Variants in QPRT observed in about 807,000 individuals in gnomAD.
QPRT encodes nicotinate-nucleotide pyrophosphorylase [carboxylating].
Under a neutral mutation model 19.8 loss-of-function variants are expected in QPRT, and 17 were observed. The ratio of observed to expected loss-of-function variants is 0.86; its 90% CI spans 0.59 to 1.29. The LOEUF (loss-of-function observed/expected upper bound fraction) is 1.29, where lower values mean the gene tolerates loss of function less well. Ranked by LOEUF, QPRT falls within the 50% of genes most tolerant of loss-of-function variation. The pLI is 0.00. For synonymous variants in QPRT, 178 were observed against 191.0 expected (o/e 0.93, Z 0.56); for missense variants, 336 against 405.1 (o/e 0.83, Z 1.46).
intron 1 of QPRT, among the ~76,000 whole-genome samples, chr16:29,681,798 C>T (rs1349642755): frequency 6.6e-6 from 1 of 151,344 alleles, no homozygotes; most frequent in African/African-American, 2.4e-5. Context: ...TCTCGGCTCA[C>T]TGCAACCTTC....
At chr16:29,689,816 G>A (rs1055304815) in intron 1 of QPRT, among the ~76,000 whole-genome samples, 19 of 152,056 alleles carry the variant, frequency 1.2e-4, no homozygotes, top group African/African-American at 4.6e-4. Flanking sequence ...CCCCTGTCAC[G>A]TACCCCCTGG....
At position 29,697,062 on chromosome 16, in the gene QPRT, C is replaced by T. The variant is rs1419613432; in HGVS notation, c.616C>T (p.Gln206Ter). Residue 206 changes from glutamine (Q) to a stop codon, truncating the protein, a stop_gained, in exon 3 of 4, where the codon CAG (glutamine) becomes TAG (stop). Coordinates refer to ENST00000395384, the MANE Select transcript of QPRT (RefSeq NM_014298.6). LOFTEE classifies it high-confidence loss of function. This position sits in a 1 kb window ranked among gnomAD's most constrained non-coding sequence, Gnocchi z 4.4. ...GGTGGAAGTGGAATGCAGCAGCCTG[C>T]AGGAGGCCGTGCAGGCAGCTGAGGC... is the stretch of plus-strand genomic sequence containing the variant. ...LKVEVECSSL[Q>*]EAVQAAEAGA... 6.2e-7 allele frequency: 1 copy of T among 1,611,782 alleles called. No individual in the cohort carries two copies. Among genetic ancestry groups the T allele is most frequent in the Admixed American group, 1.7e-5 (1 of 59,850 alleles).
chr16:29,680,916 G>A (rs1966981482), intron 1 of QPRT, among the ~76,000 whole-genome samples: 1 of 152,116 alleles, frequency 6.6e-6, no homozygotes, highest in African/African-American at 2.4e-5. Flanking sequence ...ACTCCAGCCT[G>A]GGCGACAGAG....
intron 1 of QPRT, among the ~76,000 whole-genome samples, chr16:29,693,621 C>G (rs1320148679): frequency 6.6e-6 from 1 of 151,830 alleles, no homozygotes; most frequent in Admixed American, 6.6e-5. Flanking sequence ...GAGTCTTGCT[C>G]TGTCACCCAG....
chr16:29,695,440 T>A (rs1967501456), intron 2 of QPRT, among the ~76,000 whole-genome samples: 1 of 151,364 alleles, frequency 6.6e-6, no homozygotes, highest in Non-Finnish European at 1.5e-5. Context: ...GTCTCTCCAG[T>A]AGCTGGATAT....
At chr16:29,690,043 A>G (rs75886098) in intron 1 of QPRT, among the ~76,000 whole-genome samples, 2,886 of 152,178 alleles carry the variant, frequency 0.019, 99 homozygotes, top group African/African-American at 0.066. Context: ...CCGCCCTCCA[A>G]TAGGCTCCAG....
rs767028115 is a variant in QPRT, at chr16:29,695,061, G to C, written c.411G>C (p.Thr137=). Residue 137 remains threonine, a synonymous_variant, in exon 2 of 4, where the codon ACG becomes ACC. Coordinates refer to ENST00000395384, the MANE Select transcript of QPRT (RefSeq NM_014298.6). Reference sequence around the variant, plus strand: ...GCTGGACTGGGCACGTGGCAGGCACGAGGAAGACCACGCCAGGCTTCCGGC... The same window carrying C: ...GCTGGACTGGGCACGTGGCAGGCACCAGGAAGACCACGCCAGGCTTCCGGC... ...GAGWTGHVAG[T]RKTTPGFRLV... 3.7e-6 allele frequency: 6 copies of C among 1,606,136 alleles called. No individual in the cohort carries two copies. Among genetic ancestry groups the C allele is most frequent in the South Asian group, 1.1e-5 (1 of 90,870 alleles).
intron 1 of QPRT, among the ~76,000 whole-genome samples, chr16:29,687,647 TGAGGCAGGAGAACTCAGGAGGCA>T (rs1469456342): frequency 6.6e-6 from 1 of 152,166 alleles, no homozygotes; most frequent in Non-Finnish European, 1.5e-5. Context: ...CTCAGGAGGC[TGAGGCAGGAGAACTCAGGAGGCA>T]GAGGCTGCAG....
intron 1 of QPRT, among the ~76,000 whole-genome samples, chr16:29,683,860 C>T (rs1052182488): frequency 6.6e-6 from 1 of 152,186 alleles, no homozygotes; most frequent in African/African-American, 2.4e-5. Context: ...GTCCACTTCT[C>T]TTGAAAGGAG....
intron 1 of QPRT, among the ~76,000 whole-genome samples, chr16:29,686,117 C>T (rs1343941779): frequency 1.3e-5 from 2 of 152,148 alleles, no homozygotes; most frequent in African/African-American, 4.8e-5. Context: ...ACCTCGGCCT[C>T]CCAAAGTGCT....
At chr16:29,680,803 T>C in intron 1 of QPRT, among the ~76,000 whole-genome samples, 1 of 151,994 alleles carries the variant, frequency 6.6e-6, no homozygotes, top group East Asian at 1.9e-4. Context: ...TAGCCGAGTG[T>C]GGTGGTGCGC....
chr16:29,697,396 G>T lies in QPRT; in HGVS notation c.879G>T (p.Val293=), dbSNP rs1237133208. 5.0e-6 allele frequency: 8 copies of T among 1,612,500 alleles called. No homozygotes were observed. The highest frequency in any genetic ancestry group is 6.8e-6 in the Non-Finnish European group (8 of 1,179,806). ...LKLFAKEVAP[V]PKIH ...TGTTTGCCAAAGAGGTGGCTCCAGT[G>T]CCCAAAATCCACTAGTCCTAAACCG... is the stretch of plus-strand genomic sequence containing the variant. Residue 293 remains valine, a synonymous_variant, in exon 4 of 4, where the codon GTG becomes GTT. Transcript: ENST00000395384. This position sits in a 1 kb window ranked among gnomAD's most constrained non-coding sequence, Gnocchi z 4.4.
chr16:29,697,065 G>A lies in QPRT; in HGVS notation c.619G>A (p.Glu207Lys). The stretch of plus-strand genomic sequence containing the variant: ...GGAAGTGGAATGCAGCAGCCTGCAG[G>A]AGGCCGTGCAGGCAGCTGAGGCTGG... The part of the protein sequence containing the change: ...KVEVECSSLQ[E>K]AVQAAEAGAD... The change falls in exon 3 of 4, where the codon GAG becomes AAG. Residue 207 changes from glutamate (E) to lysine (K), a missense_variant. By Grantham distance (56) the Glu-to-Lys change is moderately conservative (BLOSUM62 1). Coordinates refer to ENST00000395384, the MANE Select transcript of QPRT (RefSeq NM_014298.6). This position sits in a 1 kb window ranked among gnomAD's most constrained non-coding sequence, Gnocchi z 4.4. The A allele has an allele frequency of 6.2e-7, 1 of 1,611,954 alleles. No individual in the cohort carries two copies. The highest frequency in any genetic ancestry group is 8.5e-7 in the Non-Finnish European group (1 of 1,179,214).
At chr16:29,689,889 G>T (rs565196073) in intron 1 of QPRT, among the ~76,000 whole-genome samples, 57 of 151,706 alleles carry the variant, frequency 3.8e-4, no homozygotes, top group African/African-American at 1.3e-3. Context: ...AAAAAGGACA[G>T]AAGTTGAGCA....
At chr16:29,695,244 C>T in intron 2 of QPRT, 45 bp downstream of exon 2, 1 of 1,459,646 alleles carries the variant, frequency 6.9e-7, no homozygotes, top group Non-Finnish European at 9.1e-7. Flanking sequence ...CCTCAGCACA[C>T]CCCTCCCCTC....
At chr16:29,681,116 G>C (rs1051354174) in intron 1 of QPRT, among the ~76,000 whole-genome samples, 1 of 151,204 alleles carries the variant, frequency 6.6e-6, no homozygotes, top group Non-Finnish European at 1.5e-5. Flanking sequence ...AGGATGCCAC[G>C]CCAAACACCT....
Position 29,694,738 on chromosome 16 carries a change from C to A in QPRT, c.88C>A (p.Leu30Ile). The change falls in exon 2 of 4, where the codon CTC becomes ATC. Residue 30 changes from leucine to isoleucine, a missense_variant. Physicochemically the swap from Leu to Ile is conservative, Grantham distance 5. Coordinates refer to ENST00000395384, the MANE Select transcript of QPRT (RefSeq NM_014298.6). ...DSWLREDCPG[L>I]NYAALVSGAG... ...CTGGCTCCGAGAGGACTGCCCAGGG[C>A]TCAACTACGCAGCCTTGGTCAGCGG... The A allele has an allele frequency of 6.2e-7, 1 of 1,605,756 alleles. No homozygotes were observed. Among genetic ancestry groups the A allele is most frequent in the South Asian group, 1.1e-5 (1 of 89,748 alleles).
chr16:29,695,484 C>CTTTTTTT (rs962384967), intron 2 of QPRT, among the ~76,000 whole-genome samples: 22 of 93,606 alleles, frequency 2.4e-4, no homozygotes, highest in African/African-American at 4.2e-4. Context: ...CTAATTTTTG[C>CTTTTTTT]TTTTTTTTTT....
chr16:29,695,223 T>C, intron 2 of QPRT, 24 bp downstream of exon 2: 1 of 1,510,666 alleles, frequency 6.6e-7, no homozygotes, highest in Non-Finnish European at 8.9e-7. Context: ...CTGTCCCTGG[T>C]CCAACCCCAC....
Sources: gnomAD v4.1 joint callset for allele counts (sites outside exome capture counted in the v4.1 genomes callset) on GRCh38, gnomAD v4.1.1 for gene constraint, Gnocchi (gnomAD v3.1) non-coding constraint, MANE v1.5 for transcripts, NCBI Gene and HGNC (gene_info 2026-07-23, HGNC 2026-07-21) for gene names.